Variants in RILPL1 observed in about 807,000 individuals in gnomAD.
RILPL1 encodes Rab interacting lysosomal protein like 1.
RILPL1 carries 33 observed loss-of-function variants against 50.3 expected under a neutral mutation model. That is an observed-to-expected ratio of 0.66 (90% confidence interval 0.50 to 0.88). The LOEUF (loss-of-function observed/expected upper bound fraction) is 0.88, where lower values mean the gene tolerates loss of function less well. Among genes scored for constraint, RILPL1 ranks in the 40% least tolerant of loss-of-function variants. RILPL1 has a pLI of 0.00. For synonymous variants in RILPL1, 205 were observed against 228.6 expected (o/e 0.90, Z 0.93); for missense variants, 418 against 542.5 (o/e 0.77, Z 2.28).
chr12:123,478,800 A>G (rs957920381), intron 6 of RILPL1, among the ~76,000 whole-genome samples: 6 of 152,124 alleles, frequency 3.9e-5, no homozygotes, highest in African/African-American at 1.4e-4. Flanking sequence ...CCATGGGACC[A>G]TGACTGAGAG....
intron 4 of RILPL1, among the ~76,000 whole-genome samples, chr12:123,487,513 G>A (rs560588548): frequency 2.0e-5 from 3 of 152,120 alleles, no homozygotes; most frequent in Non-Finnish European, 1.5e-5. Context: ...TACCATGTTG[G>A]TCAGGCTGGT....
chr12:123,528,168 G>T (rs886133793), intron 1 of RILPL1, among the ~76,000 whole-genome samples: 2 of 151,766 alleles, frequency 1.3e-5, no homozygotes, highest in Non-Finnish European at 1.5e-5. Context: ...GGAGTCTGCA[G>T]CCAGCCTGGG....
At chr12:123,521,674 TA>T (rs1885054015) in intron 2 of RILPL1, among the ~76,000 whole-genome samples, 1 of 26,126 alleles carries the variant, frequency 3.8e-5, no homozygotes, top group African/African-American at 1.3e-4. Context: ...TATATATAAA[TA>T]TATATATATA....
chr12:123,487,937 CT>C (rs1048486408), intron 4 of RILPL1, among the ~76,000 whole-genome samples: 1 of 152,002 alleles, frequency 6.6e-6, no homozygotes, highest in Non-Finnish European at 1.5e-5. Context: ...AGTTATTTTC[CT>C]TTTTTTTCTT....
rs931943529 is a variant in RILPL1, at chr12:123,522,540, A to G, written c.460+955T>C. Among the ~76,000 whole-genome samples the G allele has an allele frequency of 2.0e-5, 3 of 152,198 alleles. No individual in the cohort carries two copies. The highest frequency in any genetic ancestry group is 4.4e-5 in the Non-Finnish European group (3 of 68,032). ...CAAACCTCAGCCTCTAAGGAGCTAC[A>G]TGAACTGACCCCTGTGACCTCATTT... On this transcript the variant is annotated intron_variant, in intron 2 of 6. Coordinates refer to ENST00000376874, the MANE Select transcript of RILPL1 (RefSeq NM_178314.5). This position sits in a 1 kb window ranked among gnomAD's most constrained non-coding sequence, Gnocchi z 4.0.
At chr12:123,530,966 A>G (rs1023727621) in intron 1 of RILPL1, among the ~76,000 whole-genome samples, 1 of 151,992 alleles carries the variant, frequency 6.6e-6, no homozygotes, top group African/African-American at 2.4e-5. Flanking sequence ...TACTGGAGCC[A>G]TAATTGCTGA....
chr12:123,507,487 C>T (rs1200544898), intron 2 of RILPL1, among the ~76,000 whole-genome samples: 3 of 151,620 alleles, frequency 2.0e-5, no homozygotes, highest in Non-Finnish European at 2.9e-5. Context: ...ACTGCTTGAG[C>T]CCAGGAGTTC....
At chr12:123,497,983 T>C (rs937779173) in intron 4 of RILPL1, among the ~76,000 whole-genome samples, 1 of 152,226 alleles carries the variant, frequency 6.6e-6, no homozygotes, top group African/African-American at 2.4e-5. Flanking sequence ...CCTCCCATAC[T>C]AAACTGTAAG....
chr12:123,533,435 C>T lies in RILPL1; in HGVS notation c.48G>A (p.Glu16=), dbSNP rs1415491252. Residue 16 remains glutamate (E), a synonymous_variant, in exon 1 of 7, where the codon GAG becomes GAA. Transcript: ENST00000376874. The surrounding 1 kb of genome is among the most constrained non-coding windows in gnomAD (Gnocchi z 6.2). ...TGACGGTCAGCTCGGCCACGTTCTT[C>T]TCCAGCGCCGACTCGGCCGCCAGCG... ...GSALAAESAL[E]KNVAELTVMD... 6.5e-7 allele frequency: 1 copy of T among 1,536,924 alleles called. No homozygotes were observed. Among genetic ancestry groups the T allele is most frequent in the Non-Finnish European group, 8.8e-7 (1 of 1,139,408 alleles).
At chr12:123,515,181 C>T (rs1229291693) in intron 2 of RILPL1, 1 of 151,922 alleles carries the variant, frequency 6.6e-6, no homozygotes, top group African/African-American at 2.4e-5. Flanking sequence ...ATCCTCCTGC[C>T]TCAGACTCCC....
At chr12:123,490,477 G>A (rs1461101023) in intron 4 of RILPL1, among the ~76,000 whole-genome samples, 1 of 152,142 alleles carries the variant, frequency 6.6e-6, no homozygotes, top group Non-Finnish European at 1.5e-5. Context: ...GGCTTCCTTA[G>A]AACCTGAGTT....
intron 1 of RILPL1, among the ~76,000 whole-genome samples, chr12:123,532,173 C>T (rs1885459445): frequency 6.6e-6 from 1 of 152,252 alleles, no homozygotes; most frequent in Admixed American, 6.5e-5. Context: ...GAACAGCAAG[C>T]TGGAGACTGC....
chr12:123,472,523 G>A lies in RILPL1; in HGVS notation c.*15C>T. 1.3e-6 allele frequency: 2 copies of A among 1,550,484 alleles called. No homozygotes were observed. The highest frequency in any genetic ancestry group is 8.7e-7 in the Non-Finnish European group (1 of 1,146,976). ...TGGCGGGCAGTCCAGGTTGGAGGGT[G>A]GAGATGGGCCAAGGTCACAGATGCT... On this transcript the variant is annotated 3_prime_UTR_variant, in exon 7 of 7. Transcript: ENST00000376874.
At chr12:123,475,928 G>A (rs1881563598) in intron 6 of RILPL1, 16 of 504,374 alleles carry the variant, frequency 3.2e-5, no homozygotes, top group Admixed American at 3.5e-5. Flanking sequence ...TTTTGAGACA[G>A]AGTCTCACTG....
At chr12:123,476,689 A>T (rs1881612717) in intron 6 of RILPL1, among the ~76,000 whole-genome samples, 1 of 152,090 alleles carries the variant, frequency 6.6e-6, no homozygotes, top group Non-Finnish European at 1.5e-5. Flanking sequence ...ATTCTCCCTT[A>T]CAGTCCGAAG....
chr12:123,527,785 G>A (rs1046478536), intron 1 of RILPL1, among the ~76,000 whole-genome samples: 7 of 152,110 alleles, frequency 4.6e-5, no homozygotes, highest in Admixed American at 2.6e-4. Flanking sequence ...GGAATATGAG[G>A]GAGATGGGAA....
At chr12:123,523,760 G>T in intron 1 of RILPL1, 115 bp from the exon 2 acceptor site, 1 of 1,238,412 alleles carries the variant, frequency 8.1e-7, no homozygotes, top group Non-Finnish European at 1.1e-6. Context: ...CCCCTTCCTC[G>T]TGAGAACTGG....
chr12:123,490,596 T>G (rs1882627530), intron 4 of RILPL1, among the ~76,000 whole-genome samples: 1 of 152,110 alleles, frequency 6.6e-6, no homozygotes. Context: ...CTCTCTTTTT[T>G]TTTTAATTTT....
intron 6 of RILPL1, among the ~76,000 whole-genome samples, chr12:123,481,078 C>T (rs116350845): frequency 0.019 from 2,863 of 152,160 alleles, 55 homozygotes; most frequent in African/African-American, 0.054. Context: ...GAAACCTGGC[C>T]GGGCGCGGTG....
Sources: gnomAD v4.1 joint callset for allele counts (sites outside exome capture counted in the v4.1 genomes callset) on GRCh38, gnomAD v4.1.1 for gene constraint, Gnocchi (gnomAD v3.1) non-coding constraint, MANE v1.5 for transcripts, NCBI Gene and HGNC (gene_info 2026-07-23, HGNC 2026-07-21) for gene names.